The following SPAST variants were observed in gnomAD, a reference collection of about 807,000 sequenced individuals.
SPAST encodes spastic paraplegia 4 (autosomal dominant; spastin).
In SPAST, 30 loss-of-function variants were observed where a neutral mutation model predicts 76.6. The observed-to-expected ratio is 0.39, with a 90% confidence interval of 0.29 to 0.53. The LOEUF (loss-of-function observed/expected upper bound fraction) is 0.53, where lower values mean the gene tolerates loss of function less well. Ranked by LOEUF, SPAST falls within the 20% of genes least tolerant of loss-of-function variation. The probability of loss-of-function intolerance (pLI) is 0.68; values close to 1 mark genes in which losing one functional copy is unlikely to be tolerated. For missense variants in SPAST, 717 were observed against 770.5 expected, an observed-to-expected ratio of 0.93 and a Z score of 0.82; for synonymous variants, 305 against 281.0, an observed-to-expected ratio of 1.09 and a Z score of -0.86.
intron 1 of SPAST, among the ~76,000 whole-genome samples, chr2:32,074,497 A>C (rs1573045328): frequency 6.8e-6 from 1 of 148,140 alleles, no homozygotes; most frequent in African/African-American, 2.5e-5. Flanking sequence ...TCTCTTTCTC[A>C]GCTTTTTTTT....
Position 32,063,633 on chromosome 2 carries a change from A to G in SPAST, c.-199A>G. On this transcript the variant is annotated 5_prime_UTR_variant, in exon 1 of 17. Transcript: ENST00000315285. ...AGGGGCCCGAGCCACCGACTGCAGG[A>G]GGAGAAGGGGTTGTGCTCCTGGCCG... 1 of 628,752 alleles carries G rather than the reference A, an allele frequency of 1.6e-6. No homozygotes were observed. Among genetic ancestry groups the G allele is most frequent in the Non-Finnish European group, 2.6e-6 (1 of 378,690 alleles). The allele number at this position is 628,752 out of a possible 1,614,324, so 38.9% of individuals were successfully genotyped here.
intron 7 of SPAST, among the ~76,000 whole-genome samples, chr2:32,121,327 A>G (rs1171970313): frequency 1.3e-5 from 2 of 150,584 alleles, no homozygotes; most frequent in South Asian, 2.1e-4. Flanking sequence ...TAATTTTTGT[A>G]TTTTTAGTAG....
At chr2:32,141,811 GA>G in intron 12 of SPAST, 92 bp from the exon 13 acceptor site, 2 of 992,998 alleles carry the variant, frequency 2.0e-6, no homozygotes, top group Non-Finnish European at 3.1e-6. Context: ...CCAGTGCCTT[GA>G]ATATTATATT....
At chr2:32,154,262 A>G in intron 16 of SPAST, 112 bp from the exon 17 acceptor site, 3 of 914,818 alleles carry the variant, frequency 3.3e-6, no homozygotes, top group Non-Finnish European at 5.2e-6. Flanking sequence ...ACATACACGT[A>G]TATTTTTTAT....
At chr2:32,105,169 C>G (rs531761093) in intron 4 of SPAST, among the ~76,000 whole-genome samples, 5 of 152,228 alleles carry the variant, frequency 3.3e-5, no homozygotes, top group Non-Finnish European at 2.9e-5. Context: ...TCTTTTTTCT[C>G]TAAACTTCTC....
chr2:32,090,023 C>G (rs900880964), intron 3 of SPAST, among the ~76,000 whole-genome samples: 49 of 152,326 alleles, frequency 3.2e-4, no homozygotes, highest in Middle Eastern at 6.8e-3. Flanking sequence ...CTCGGCCTCC[C>G]GAAGTGCTGG....
intron 1 of SPAST, among the ~76,000 whole-genome samples, chr2:32,066,683 G>A (rs1022799450): frequency 6.6e-6 from 1 of 151,438 alleles, no homozygotes; most frequent in African/African-American, 2.4e-5. Flanking sequence ...AAAAAAGTAG[G>A]TCATTTTTGG....
intron 3 of SPAST, 86 bp from the exon 4 acceptor site, chr2:32,098,710 T>C (rs1678009309): frequency 1.1e-6 from 1 of 879,744 alleles, no homozygotes; most frequent in Non-Finnish European, 1.9e-6. Flanking sequence ...TTGAGTAATT[T>C]GTCATTTCAC....
At chr2:32,117,566 C>T (rs1678883991) in intron 7 of SPAST, among the ~76,000 whole-genome samples, 1 of 144,848 alleles carries the variant, frequency 6.9e-6, no homozygotes. Flanking sequence ...AATTTTGCTC[C>T]TGTTACCCAG....
chr2:32,152,705 T>C (rs1287720968), intron 16 of SPAST, among the ~76,000 whole-genome samples: 2 of 152,020 alleles, frequency 1.3e-5, no homozygotes, highest in African/African-American at 4.8e-5. Flanking sequence ...GTAGGGTTCA[T>C]ATAGTGCTTA....
chr2:32,137,919 C>T (rs971743377), intron 12 of SPAST, among the ~76,000 whole-genome samples: 1 of 152,148 alleles, frequency 6.6e-6, no homozygotes, highest in South Asian at 2.1e-4. Context: ...ATTTGGTTTA[C>T]TGTTCCCACA....
intron 1 of SPAST, among the ~76,000 whole-genome samples, chr2:32,086,520 T>G (rs1319505821): frequency 6.6e-6 from 1 of 150,952 alleles, no homozygotes; most frequent in Non-Finnish European, 1.5e-5. Flanking sequence ...CTGAGCACTT[T>G]GAGAGGCCAA....
rs1677706711 is a variant in SPAST, at chr2:32,091,288, TA to T, written c.586+1684del. Among the ~76,000 whole-genome samples the T allele has an allele frequency of 5.2e-5, 7 of 134,254 alleles. No individual in the cohort carries two copies. The South Asian group carries it at 8.9e-4, about 17-fold the overall frequency. 88.1% of individuals were successfully genotyped at this position (134,254 alleles called of 152,430 possible). On this transcript the variant is annotated intron_variant, in intron 3 of 16. Coordinates refer to ENST00000315285, the MANE Select transcript of SPAST (RefSeq NM_014946.4). ...TTATTATTATTATTATTATTATTAT[TA>T]TTATTATTCGAGATGGAGTCTTGCT...
intron 16 of SPAST, among the ~76,000 whole-genome samples, chr2:32,150,312 G>A (rs181341688): frequency 1.8e-4 from 25 of 142,506 alleles, no homozygotes; most frequent in African/African-American, 5.5e-4. Context: ...GGATGGTCTC[G>A]ATCTCCTGAC....
chr2:32,144,712 G>A (rs1049894653), intron 14 of SPAST, among the ~76,000 whole-genome samples: 1 of 151,830 alleles, frequency 6.6e-6, no homozygotes, highest in Non-Finnish European at 1.5e-5. Flanking sequence ...ATGGCGAAAC[G>A]CCATCTATAC....
chr2:32,101,496 G>C (rs1005713260), intron 4 of SPAST, among the ~76,000 whole-genome samples: 4 of 152,136 alleles, frequency 2.6e-5, no homozygotes, highest in Non-Finnish European at 4.4e-5. Context: ...TTTGGCTTTT[G>C]TTGCCATTGC....
intron 4 of SPAST, among the ~76,000 whole-genome samples, chr2:32,114,174 G>A (rs1209455047): frequency 6.6e-6 from 1 of 152,212 alleles, no homozygotes; most frequent in Admixed American, 6.5e-5. Flanking sequence ...GGAGGCCAAG[G>A]TGGGAGGATT....
At chr2:32,089,884 C>T (rs997995942) in intron 3 of SPAST, among the ~76,000 whole-genome samples, 2 of 152,094 alleles carry the variant, frequency 1.3e-5, no homozygotes, top group East Asian at 1.9e-4. Flanking sequence ...CTGCCTCAGC[C>T]TCCTGAGTAG....
At position 32,116,231 on chromosome 2, in the gene SPAST, C is replaced by T; in HGVS notation, c.1098+19C>T. 9 of 1,484,164 alleles carry T rather than the reference C, an allele frequency of 6.1e-6. No homozygotes were observed. The highest frequency in any genetic ancestry group is 8.5e-6 in the Non-Finnish European group (9 of 1,061,998). The allele number at this position is 1,484,164 out of a possible 1,614,324, so 91.9% of individuals were successfully genotyped here. ...GCCTGAGGTAAGAACTTTATATTAT[C>T]ATTTTTCTATAATACCATCTGTTAC... is the stretch of plus-strand genomic sequence containing the variant. On this transcript the variant is annotated intron_variant, in intron 7 of 16. Transcript: ENST00000315285.
Sources: gnomAD v4.1 joint callset for allele counts (sites outside exome capture counted in the v4.1 genomes callset) on GRCh38, gnomAD v4.1.1 for gene constraint, MANE v1.5 for transcripts, NCBI Gene and HGNC (gene_info 2026-07-23, HGNC 2026-07-21) for gene names.